The following AP3B1 variants were observed in gnomAD, a reference collection of about 807,000 sequenced individuals.
AP3B1 encodes the protein adaptor related protein complex 3 subunit beta 1.
A neutral mutation model predicts 132.5 loss-of-function variants in AP3B1; 61 were observed. That is an observed-to-expected ratio of 0.46 (90% confidence interval 0.37 to 0.57). The LOEUF is 0.57. Ranked by LOEUF, AP3B1 falls within the 20% of genes least tolerant of loss-of-function variation. AP3B1 has a pLI of 0.00. For synonymous variants in AP3B1, 388 were observed against 438.3 expected, an observed-to-expected ratio of 0.89 and a Z score of 1.43; for missense variants, 1,120 against 1,289.4, an observed-to-expected ratio of 0.87 and a Z score of 2.01.
intron 21 of AP3B1, among the ~76,000 whole-genome samples, chr5:78,091,740 G>A (rs1750526448): frequency 6.6e-6 from 1 of 152,180 alleles, no homozygotes; most frequent in Admixed American, 6.5e-5. Flanking sequence ...ATAGACCAAG[G>A]GGAACAGTCA....
chr5:78,153,263 G>A (rs1179063837), intron 14 of AP3B1, among the ~76,000 whole-genome samples: 2 of 152,124 alleles, frequency 1.3e-5, no homozygotes, highest in African/African-American at 4.8e-5. Flanking sequence ...TCCTCTTGCT[G>A]AATTGACTCT....
chr5:78,074,659 T>G (rs1749682010), intron 22 of AP3B1, among the ~76,000 whole-genome samples: 1 of 152,184 alleles, frequency 6.6e-6, no homozygotes, highest in South Asian at 2.1e-4. Context: ...TTTTTAAAGA[T>G]AGTTCTTCAC....
intron 1 of AP3B1, among the ~76,000 whole-genome samples, chr5:78,294,178 G>A (rs973681330): frequency 6.6e-6 from 1 of 152,156 alleles, no homozygotes; most frequent in African/African-American, 2.4e-5. Flanking sequence ...TTCAATCAGT[G>A]TCTTCAGGGG....
intron 22 of AP3B1, among the ~76,000 whole-genome samples, chr5:78,064,302 T>C (rs1749185775): frequency 6.6e-6 from 1 of 152,090 alleles, no homozygotes; most frequent in African/African-American, 2.4e-5. Context: ...ACAATTTAAT[T>C]CATTCATTAA....
chr5:78,110,684 CTGTGTGTGTG>C (rs144921350), intron 19 of AP3B1, among the ~76,000 whole-genome samples: 5 of 143,486 alleles, frequency 3.5e-5, no homozygotes, highest in African/African-American at 7.7e-5. Context: ...AATACTGTGC[CTGTGTGTGTG>C]TGTGTGTGTG....
intron 14 of AP3B1, among the ~76,000 whole-genome samples, chr5:78,149,639 T>C (rs1463133802): frequency 6.6e-6 from 1 of 152,142 alleles, no homozygotes; most frequent in Non-Finnish European, 1.5e-5. Flanking sequence ...AGCTCTAAGG[T>C]TGTCAGTACT....
chr5:78,151,832 C>CTGCCCTCCCCCT (rs1753663629), intron 14 of AP3B1, among the ~76,000 whole-genome samples: 1 of 92,072 alleles, frequency 1.1e-5, no homozygotes, highest in African/African-American at 4.0e-5. Context: ...CCTTCCTTCC[C>CTGCCCTCCCCCT]TCCCCTCCCC....
At chr5:78,175,120 T>C (rs923611843) in intron 11 of AP3B1, among the ~76,000 whole-genome samples, 2 of 152,240 alleles carry the variant, frequency 1.3e-5, no homozygotes, top group African/African-American at 4.8e-5. Context: ...CCAGGTACAG[T>C]CTGTCCCGGC....
In AP3B1 at chr5:78,199,788, G is replaced by A. The variant is rs114997293; in HGVS notation, c.786+16267C>T. On this transcript the variant is annotated intron_variant, in intron 7 of 26. Coordinates refer to ENST00000255194, the MANE Select transcript of AP3B1 (RefSeq NM_003664.5). ...AAACAGGAAAAAAACTTATATTCTA[G>A]GTAAAGGGAGGGTAGAAAACTAGAT... is the stretch of plus-strand genomic sequence containing the variant. Among the ~76,000 whole-genome samples, 340 of 151,552 alleles carry A rather than the reference G, an allele frequency of 2.2e-3. 1 individual carries two copies. Among genetic ancestry groups the A allele is most frequent in the African/African-American group, 8.1e-3 (335 of 41,300 alleles).
intron 22 of AP3B1, among the ~76,000 whole-genome samples, chr5:78,057,685 T>C (rs1371362956): frequency 2.0e-5 from 3 of 152,198 alleles, no homozygotes; most frequent in Non-Finnish European, 4.4e-5. Context: ...TATGATTTAC[T>C]TAAATCACAG....
intron 22 of AP3B1, among the ~76,000 whole-genome samples, chr5:78,068,986 A>G (rs1749416323): frequency 6.6e-6 from 1 of 152,234 alleles, no homozygotes; most frequent in South Asian, 2.1e-4. Context: ...CATCACATAA[A>G]TAGAACTAAA....
intron 11 of AP3B1, among the ~76,000 whole-genome samples, chr5:78,175,079 C>T (rs999572019): frequency 1.3e-5 from 2 of 152,252 alleles, no homozygotes; most frequent in South Asian, 4.1e-4. Context: ...CTTGGGAAAG[C>T]GCAGTTTTTG....
chr5:78,177,021 A>G (rs1744172796), intron 9 of AP3B1, among the ~76,000 whole-genome samples: 1 of 152,204 alleles, frequency 6.6e-6, no homozygotes, highest in African/African-American at 2.4e-5. Context: ...CAGATTTACC[A>G]AAACTCCCAA....
At chr5:78,017,655 A>C (rs528275341) in intron 25 of AP3B1, among the ~76,000 whole-genome samples, 173 of 152,196 alleles carry the variant, frequency 1.1e-3, no homozygotes, top group African/African-American at 4.0e-3. Flanking sequence ...CTTAAACCAG[A>C]GATTTTTCTA....
At chr5:78,135,165 G>A (rs984136734) in intron 15 of AP3B1, among the ~76,000 whole-genome samples, 34 of 152,128 alleles carry the variant, frequency 2.2e-4, no homozygotes, top group African/African-American at 8.2e-4. Context: ...AAACATCAGT[G>A]TGATTTACAA....
chr5:78,081,967 T>C (rs756069884), intron 22 of AP3B1, among the ~76,000 whole-genome samples: 5 of 152,154 alleles, frequency 3.3e-5, no homozygotes, highest in Non-Finnish European at 7.3e-5. Flanking sequence ...GACTTCTGCC[T>C]GATTTAGATA....
At chr5:78,155,191 C>T (rs1021057320) in intron 14 of AP3B1, among the ~76,000 whole-genome samples, 1 of 152,160 alleles carries the variant, frequency 6.6e-6, no homozygotes, top group Non-Finnish European at 1.5e-5. Context: ...TTGGATAAAT[C>T]TGGGAGAACT....
intron 11 of AP3B1, among the ~76,000 whole-genome samples, chr5:78,172,580 T>C (rs1743965205): frequency 6.6e-6 from 1 of 152,212 alleles, no homozygotes; most frequent in African/African-American, 2.4e-5. Context: ...TTGGTGGTGA[T>C]ATCTCCTTTA....
chr5:78,162,844 C>G lies in AP3B1; in HGVS notation c.1338G>C (p.Leu446Phe), dbSNP rs746886660. 1 of 1,613,936 alleles carries G rather than the reference C, an allele frequency of 6.2e-7. No individual in the cohort carries two copies. Among genetic ancestry groups the G allele is most frequent in the East Asian group, 2.2e-5 (1 of 44,874 alleles). ...CATCCCTGTTGGACAGCAGACAGAC[C>G]AAGCCATTGAGGCACGTGTCAGTGA... ...LEVTDTCLNG[L>F]VCLLSNRDEI... The change falls in exon 13 of 27, where the codon TTG (leucine) becomes TTC (phenylalanine). Residue 446 changes from leucine to phenylalanine, a missense_variant. Leu to Phe is a conservative substitution (Grantham distance 22). This residue lies in a region of AP3B1 where 906 missense variants were observed against 997.1 expected (regional missense o/e 0.91). Transcript: ENST00000255194.
Sources: gnomAD v4.1 joint callset for allele counts (sites outside exome capture counted in the v4.1 genomes callset) on GRCh38, gnomAD v4.1.1 for gene constraint, gnomAD v4.1.1 regional missense constraint, MANE v1.5 for transcripts, NCBI Gene and HGNC (gene_info 2026-07-23, HGNC 2026-07-21) for gene names.